NALF1: variants seen among roughly 807,000 people sequenced by gnomAD.
NALF1 encodes family with sequence similarity 155 member A.
Under a neutral mutation model 48.4 loss-of-function variants are expected in NALF1, and 3 were observed. The observed-to-expected ratio is 0.06, with a 90% CI of 0.03 to 0.16. The LOEUF (loss-of-function observed/expected upper bound fraction) is 0.16, where lower values mean the gene tolerates loss of function less well. Ranked by LOEUF, NALF1 falls within the 10% of genes least tolerant of loss-of-function variation. The pLI is 1.00. For missense variants in NALF1, 526 were observed against 571.5 expected, an observed-to-expected ratio of 0.92 and a Z score of 0.81; for synonymous variants, 262 against 245.7, an observed-to-expected ratio of 1.07 and a Z score of -0.62.
At chr13:107,346,809 G>A (rs1411492764) in intron 1 of NALF1, among the ~76,000 whole-genome samples, 1 of 152,090 alleles carries the variant, frequency 6.6e-6, no homozygotes, top group Non-Finnish European at 1.5e-5. Flanking sequence ...ATTACCCACA[G>A]CCACATGAGG....
chr13:107,561,602 G>A lies in NALF1; in HGVS notation c.915+304080C>T, dbSNP rs144264346. Among the ~76,000 whole-genome samples, 1,347 of 152,250 alleles carry A rather than the reference G, an allele frequency of 8.8e-3. 12 individuals are homozygous for A. Among genetic ancestry groups the A allele is most frequent in the Middle Eastern group, 0.014 (4 of 294 alleles). On this transcript the variant is annotated intron_variant, in intron 1 of 2. Transcript: ENST00000375915. ...GCTACTTTGCCCTTTAACTAATAAG[G>A]AATCTTTGGGGAAAAACTTTGAGAA...
intron 1 of NALF1, among the ~76,000 whole-genome samples, chr13:107,850,780 A>G (rs7993857): frequency 0.2 from 30,323 of 151,900 alleles, 3,348 homozygotes; most frequent in East Asian, 0.43. Flanking sequence ...GCATGTGCCT[A>G]TAATCCCAGC....
chr13:107,515,470 A>G (rs774056377), intron 1 of NALF1, among the ~76,000 whole-genome samples: 28 of 152,166 alleles, frequency 1.8e-4, no homozygotes, highest in Admixed American at 5.2e-4. Flanking sequence ...TATGATCCAT[A>G]TATAACAGGA....
chr13:107,312,666 C>G (rs142603288), intron 1 of NALF1, among the ~76,000 whole-genome samples: 1 of 152,078 alleles, frequency 6.6e-6, no homozygotes, highest in Non-Finnish European at 1.5e-5. Context: ...AGAGGAGAAC[C>G]CTACATCTTT....
chr13:107,479,979 T>G (rs1374782258), intron 1 of NALF1, among the ~76,000 whole-genome samples: 1 of 152,064 alleles, frequency 6.6e-6, no homozygotes, highest in Admixed American at 6.6e-5. Context: ...AGATTGACAC[T>G]ACGAAGATGG....
chr13:107,301,857 G>C (rs1036013969), intron 1 of NALF1, among the ~76,000 whole-genome samples: 4 of 152,072 alleles, frequency 2.6e-5, no homozygotes, highest in Admixed American at 6.6e-5. Flanking sequence ...GGATTAGGCT[G>C]TAAGAGATCA....
chr13:107,332,546 C>A (rs1277200692), intron 1 of NALF1, among the ~76,000 whole-genome samples: 1 of 152,140 alleles, frequency 6.6e-6, no homozygotes, highest in African/African-American at 2.4e-5. Flanking sequence ...AGCTGTGGGG[C>A]CAACATATTT....
chr13:107,488,943 C>T (rs1391853185), intron 1 of NALF1, among the ~76,000 whole-genome samples: 14 of 152,084 alleles, frequency 9.2e-5, no homozygotes, highest in African/African-American at 2.4e-4. Context: ...ACAAAATTAA[C>T]GTGCAAAAAT....
At chr13:107,361,138 T>C (rs1412205806) in intron 1 of NALF1, among the ~76,000 whole-genome samples, 1 of 152,222 alleles carries the variant, frequency 6.6e-6, no homozygotes, top group Non-Finnish European at 1.5e-5. Context: ...ACTTCTCAAT[T>C]CATTGTCTAG....
chr13:107,500,955 G>A (rs973138065), intron 1 of NALF1, among the ~76,000 whole-genome samples: 3 of 151,804 alleles, frequency 2.0e-5, no homozygotes, highest in African/African-American at 7.3e-5. Flanking sequence ...ACTGTTGTGG[G>A]GTGGGGGGAG....
chr13:107,307,973 T>C (rs1881969970), intron 1 of NALF1, among the ~76,000 whole-genome samples: 1 of 152,102 alleles, frequency 6.6e-6, no homozygotes, highest in African/African-American at 2.4e-5. Flanking sequence ...GACTGTAAAT[T>C]GTGATGTAAT....
intron 1 of NALF1, among the ~76,000 whole-genome samples, chr13:107,779,637 G>T (rs184681724): frequency 1.6e-4 from 24 of 152,260 alleles, no homozygotes; most frequent in Non-Finnish European, 2.8e-4. Flanking sequence ...CCAAGCACTC[G>T]TTCTGTAGTC....
In NALF1 at chr13:107,661,229, C is replaced by T. The variant is rs557300017; in HGVS notation, c.915+204453G>A. Among the ~76,000 whole-genome samples, 4 of 152,242 alleles carry T rather than the reference C, an allele frequency of 2.6e-5. No individual in the cohort carries two copies. The East Asian group carries it at 5.8e-4, about 22-fold the overall frequency. ...TTCAGGATTTCTCACCAACTTCCAGCCACCCCACACTTGCCTTCCTCTGAA... is the reference window on the plus strand; with the variant it reads ...TTCAGGATTTCTCACCAACTTCCAGTCACCCCACACTTGCCTTCCTCTGAA... On this transcript the variant is annotated intron_variant, in intron 1 of 2. Coordinates refer to ENST00000375915, the MANE Select transcript of NALF1 (RefSeq NM_001080396.3).
chr13:107,260,706 G>C (rs779512504), intron 1 of NALF1, among the ~76,000 whole-genome samples: 14 of 152,174 alleles, frequency 9.2e-5, no homozygotes, highest in South Asian at 2.1e-4. Context: ...TGATTCTGAA[G>C]TCAGATGACC....
chr13:107,855,425 ATTC>A (rs1285953872), intron 1 of NALF1, among the ~76,000 whole-genome samples: 1 of 152,228 alleles, frequency 6.6e-6, no homozygotes, highest in East Asian at 1.9e-4. Context: ...GCTCAAGACA[ATTC>A]TTCTTCCAAT....
intron 1 of NALF1, among the ~76,000 whole-genome samples, chr13:107,275,398 G>T (rs9555339): frequency 0.74 from 112,922 of 152,002 alleles, 42,810 homozygotes; most frequent in South Asian, 0.88. Context: ...GTATAATCAC[G>T]GGTTCTGCAC....
chr13:107,632,231 GTCTA>G (rs1879854188), intron 1 of NALF1, among the ~76,000 whole-genome samples: 1 of 152,106 alleles, frequency 6.6e-6, no homozygotes, highest in African/African-American at 2.4e-5. Flanking sequence ...CTCCATATCT[GTCTA>G]TCTGTCTATC....
At position 107,223,251 on chromosome 13, in the gene NALF1, T is replaced by C. The variant is rs117203039; in HGVS notation, c.916-12496A>G. On this transcript the variant is annotated intron_variant, in intron 1 of 2. Transcript: ENST00000375915. ...TGTTGTTACATATAAATATTTATAG[T>C]TGTTAAATATATATGTATACATACA... Among the ~76,000 whole-genome samples the C allele has an allele frequency of 3.8e-3, 581 of 152,278 alleles. 5 individuals carry two copies. Among genetic ancestry groups the C allele is most frequent in the East Asian group, 0.038 (196 of 5,186 alleles).
chr13:107,433,987 T>C (rs1218092345), intron 1 of NALF1, among the ~76,000 whole-genome samples: 3 of 152,130 alleles, frequency 2.0e-5, no homozygotes, highest in Non-Finnish European at 4.4e-5. Flanking sequence ...CTAGAAAATG[T>C]GAACAAATCA....
Sources: allele counts gnomAD v4.1 joint callset (sites outside exome capture counted in the v4.1 genomes callset), GRCh38; gene constraint gnomAD v4.1.1; transcripts MANE v1.5; gene names NCBI Gene and HGNC (gene_info 2026-07-23, HGNC 2026-07-21).